Variants in WWOX observed in about 807,000 individuals in gnomAD.
The protein encoded by WWOX is WW domain-containing oxidoreductase.
Under a neutral mutation model 46.2 loss-of-function variants are expected in WWOX, and 69 were observed. That is an observed-to-expected ratio of 1.49 (90% confidence interval 1.23 to 1.82). WWOX has a LOEUF of 1.82. Among genes scored for constraint, WWOX ranks in the 40% most tolerant of loss-of-function variants. WWOX has a pLI of 0.00. For synonymous variants in WWOX, 359 were observed against 202.6 expected (o/e 1.77, Z -6.56); for missense variants, 919 against 542.6 (o/e 1.69, Z -6.89).
chr16:78,989,147 G>T (rs2151344327), intron 8 of WWOX, among the ~76,000 whole-genome samples: 1 of 152,126 alleles, frequency 6.6e-6, no homozygotes, highest in African/African-American at 2.4e-5. Flanking sequence ...TTCTGAAGAT[G>T]CTGAACCCTT....
intron 8 of WWOX, among the ~76,000 whole-genome samples, chr16:79,012,719 G>A (rs1275181598): frequency 6.6e-6 from 1 of 152,170 alleles, no homozygotes; most frequent in African/African-American, 2.4e-5. Context: ...CCACAAAGCA[G>A]GACGTATACG....
chr16:78,145,673 A>T (rs1270298128), intron 4 of WWOX, among the ~76,000 whole-genome samples: 2 of 152,142 alleles, frequency 1.3e-5, no homozygotes. Context: ...TGCATCCTTC[A>T]ATCCAATCAC....
chr16:79,131,284 C>T (rs1158327903), intron 8 of WWOX, among the ~76,000 whole-genome samples: 4 of 152,108 alleles, frequency 2.6e-5, no homozygotes, highest in East Asian at 1.9e-4. Flanking sequence ...AGAAGCTGTA[C>T]TCCCAAGAGG....
intron 8 of WWOX, among the ~76,000 whole-genome samples, chr16:79,041,382 G>T (rs2047967917): frequency 1.3e-5 from 2 of 152,120 alleles, no homozygotes; most frequent in Non-Finnish European, 2.9e-5. Flanking sequence ...CCCATTCCCT[G>T]ATATAAGGAT....
intron 8 of WWOX, among the ~76,000 whole-genome samples, chr16:79,186,408 G>A (rs1367072216): frequency 6.6e-6 from 1 of 152,136 alleles, no homozygotes; most frequent in African/African-American, 2.4e-5. Flanking sequence ...GTGTTTCCTG[G>A]CTTGCAGCTG....
chr16:78,987,006 G>A (rs2046796559), intron 8 of WWOX, among the ~76,000 whole-genome samples: 1 of 152,016 alleles, frequency 6.6e-6, no homozygotes, highest in South Asian at 2.1e-4. Flanking sequence ...GAGCAGAGAG[G>A]GATCAGAGGA....
rs775730124 is a variant in WWOX at position 79,095,860 on chromosome 16, C to CT, written c.1057-115726dup. 9.4e-3 allele frequency among the ~76,000 whole-genome samples: 1,117 copies of CT among 118,466 alleles called. 12 individuals are homozygous for CT. Among genetic ancestry groups the CT allele is most frequent in the African/African-American group, 0.013 (377 of 29,258 alleles). 77.7% of individuals were successfully genotyped at this position (118,466 alleles called of 152,430 possible). A position where few individuals can be genotyped will look rare whatever the true frequency, so the allele number is the denominator to read the frequency against. The stretch of plus-strand genomic sequence containing the variant: ...GATCACTGCTCAATTCTCTCTCTCT[C>CT]TTTTTTTTTTTTTTTTTTTTTTAAG... On this transcript the variant is annotated intron_variant, in intron 8 of 8. Coordinates refer to ENST00000566780, the MANE Select transcript of WWOX (RefSeq NM_016373.4).
At chr16:79,196,394 G>C (rs567621615) in intron 8 of WWOX, 1 of 152,234 alleles carries the variant, frequency 6.6e-6, no homozygotes, top group African/African-American at 2.4e-5. Context: ...GTTTATACCA[G>C]TTTGAACCGA....
chr16:78,102,313 G>T (rs370443065), intron 1 of WWOX, among the ~76,000 whole-genome samples: 2 of 152,284 alleles, frequency 1.3e-5, no homozygotes, highest in East Asian at 1.9e-4. Context: ...CTGTCCAGGG[G>T]CCTGTGATCT....
At chr16:78,955,590 T>G (rs1259766775) in intron 8 of WWOX, among the ~76,000 whole-genome samples, 1 of 152,132 alleles carries the variant, frequency 6.6e-6, no homozygotes, top group East Asian at 1.9e-4. Flanking sequence ...ATGAAACCTC[T>G]TTTAACTTTA....
chr16:79,185,637 C>G (rs1038937932), intron 8 of WWOX, among the ~76,000 whole-genome samples: 22 of 152,066 alleles, frequency 1.4e-4, no homozygotes, highest in African/African-American at 5.3e-4. Context: ...GCAGGGAGGG[C>G]CTTTTGTCAA....
At chr16:78,198,821 C>T (rs1469522873) in intron 5 of WWOX, among the ~76,000 whole-genome samples, 1 of 152,070 alleles carries the variant, frequency 6.6e-6, no homozygotes, top group Admixed American at 6.5e-5. Flanking sequence ...CACATGCATA[C>T]ATATATGTAA....
intron 8 of WWOX, among the ~76,000 whole-genome samples, chr16:78,627,890 G>A (rs749625744): frequency 2.0e-5 from 3 of 152,220 alleles, no homozygotes; most frequent in African/African-American, 4.8e-5. Flanking sequence ...CAAGAATCCC[G>A]TGGATTTGGC....
intron 8 of WWOX, among the ~76,000 whole-genome samples, chr16:78,943,412 A>T (rs1370399223): frequency 6.6e-6 from 1 of 150,830 alleles, no homozygotes; most frequent in Admixed American, 6.6e-5. Context: ...CCCAGGCCAG[A>T]TAACCCATCC....
At chr16:79,009,482 T>G (rs1401311734) in intron 8 of WWOX, among the ~76,000 whole-genome samples, 1 of 152,116 alleles carries the variant, frequency 6.6e-6, no homozygotes, top group Non-Finnish European at 1.5e-5. Flanking sequence ...TTCTTTTTTT[T>G]TTTTAGATGG....
intron 8 of WWOX, among the ~76,000 whole-genome samples, chr16:78,731,418 C>G (rs1004776363): frequency 6.6e-6 from 1 of 152,154 alleles, no homozygotes; most frequent in East Asian, 1.9e-4. Context: ...GGAAATCTTT[C>G]TGCACTGATC....
At chr16:79,053,156 G>C (rs2550677) in intron 8 of WWOX, among the ~76,000 whole-genome samples, 1 of 151,968 alleles carries the variant, frequency 6.6e-6, no homozygotes, top group Non-Finnish European at 1.5e-5. Context: ...CTTTTAGGAA[G>C]AAACAACTGG....
chr16:79,068,918 G>C (rs1346902986), intron 8 of WWOX, among the ~76,000 whole-genome samples: 2 of 151,966 alleles, frequency 1.3e-5, no homozygotes, highest in Admixed American at 6.6e-5. Context: ...CCTTGGGTCT[G>C]ATGCCCACGC....
At chr16:78,936,203 A>T (rs1282301223) in intron 8 of WWOX, among the ~76,000 whole-genome samples, 1 of 152,124 alleles carries the variant, frequency 6.6e-6, no homozygotes, top group Non-Finnish European at 1.5e-5. Flanking sequence ...AGGCAAAGGC[A>T]GTGAGTTTAA....
Sources: allele counts gnomAD v4.1 joint callset (sites outside exome capture counted in the v4.1 genomes callset), GRCh38; gene constraint gnomAD v4.1.1; transcripts MANE v1.5; gene names NCBI Gene and HGNC (gene_info 2026-07-23, HGNC 2026-07-21).